The following SEMA3E variants were observed in gnomAD, a reference collection of about 807,000 sequenced individuals.
SEMA3E encodes semaphorin-3E.
SEMA3E carries 49 observed loss-of-function variants against 93.6 expected under a neutral mutation model. That is an observed-to-expected ratio of 0.52 (90% CI 0.42 to 0.66). The LOEUF (loss-of-function observed/expected upper bound fraction) is 0.66, where lower values mean the gene tolerates loss of function less well. Ranked by LOEUF, SEMA3E falls within the 30% of genes least tolerant of loss-of-function variation. The pLI is 0.00. For synonymous variants in SEMA3E, 363 were observed against 330.7 expected (o/e 1.10, Z -1.06); for missense variants, 906 against 964.8 (o/e 0.94, Z 0.81).
intron 2 of SEMA3E, among the ~76,000 whole-genome samples, chr7:83,469,977 A>G (rs748776696): frequency 1.3e-5 from 2 of 151,782 alleles, no homozygotes; most frequent in Non-Finnish European, 2.9e-5. Context: ...TAGTAGAGAC[A>G]GGGTTTCACA....
chr7:83,530,404 C>T (rs1039931448), intron 1 of SEMA3E, among the ~76,000 whole-genome samples: 1 of 152,048 alleles, frequency 6.6e-6, no homozygotes, highest in African/African-American at 2.4e-5. Context: ...TCAGAAAAAA[C>T]TTTTATTAAT....
At chr7:83,539,583 T>C (rs958970059) in intron 1 of SEMA3E, among the ~76,000 whole-genome samples, 9 of 149,584 alleles carry the variant, frequency 6.0e-5, no homozygotes, top group African/African-American at 2.0e-4. Flanking sequence ...GTTTGCTAAA[T>C]CAGTTACTAC....
chr7:83,473,624 A>G (rs766421737), intron 2 of SEMA3E, among the ~76,000 whole-genome samples: 69 of 152,322 alleles, frequency 4.5e-4, no homozygotes, highest in Non-Finnish European at 9.4e-4. Flanking sequence ...GATTTCCCTA[A>G]AAATATGATG....
At chr7:83,372,800 G>C (rs1300319979) in intron 16 of SEMA3E, 2 of 152,054 alleles carry the variant, frequency 1.3e-5, no homozygotes, top group African/African-American at 2.4e-5. Context: ...ACATTATGTA[G>C]GTTAAATCAC....
At chr7:83,528,478 G>A (rs1235965003) in intron 1 of SEMA3E, among the ~76,000 whole-genome samples, 1 of 152,018 alleles carries the variant, frequency 6.6e-6, no homozygotes, top group African/African-American at 2.4e-5. Flanking sequence ...TCAATTATAA[G>A]GTGTGGTTAA....
At chr7:83,570,939 A>C (rs1792275003) in intron 1 of SEMA3E, among the ~76,000 whole-genome samples, 1 of 151,816 alleles carries the variant, frequency 6.6e-6, no homozygotes, top group Non-Finnish European at 1.5e-5. Flanking sequence ...CACAAATTAG[A>C]AAATCTAGAG....
intron 1 of SEMA3E, among the ~76,000 whole-genome samples, chr7:83,603,325 G>A (rs958777673): frequency 7.9e-5 from 12 of 152,034 alleles, no homozygotes; most frequent in Non-Finnish European, 1.3e-4. Flanking sequence ...GGCCATATTA[G>A]GGAGGTGAAA....
chr7:83,450,549 G>A (rs903893889), intron 4 of SEMA3E, among the ~76,000 whole-genome samples: 2 of 151,984 alleles, frequency 1.3e-5, no homozygotes, highest in Admixed American at 1.3e-4. Flanking sequence ...TCTAAATGAG[G>A]CAAAACTAAT....
intron 6 of SEMA3E, 21 bp from the exon 7 acceptor site, chr7:83,407,260 A>G (rs762231747): frequency 6.3e-7 from 1 of 1,598,206 alleles, no homozygotes; most frequent in South Asian, 1.1e-5. Flanking sequence ...AAAAAATAGG[A>G]GAAAAAGTGA....
At chr7:83,626,170 T>G (rs995973931) in intron 1 of SEMA3E, among the ~76,000 whole-genome samples, 5 of 152,158 alleles carry the variant, frequency 3.3e-5, no homozygotes, top group Non-Finnish European at 4.4e-5. Context: ...AATTTTCTTT[T>G]TGTGTGTGTG....
rs752107396 is a variant in SEMA3E at position 83,367,726 on chromosome 7, C to T, written c.2188G>A (p.Glu730Lys). 1.9e-6 allele frequency: 3 copies of T among 1,614,068 alleles called. No homozygotes were observed. The highest frequency in any genetic ancestry group is 2.5e-6 in the Non-Finnish European group (3 of 1,180,026). Reference protein sequence around the residue: ...SNFQRVEEYCEKVWCTDRKRK... With the variant: ...SNFQRVEEYCKKVWCTDRKRK... ...TTTCTATCTGTGCACCATACTTTCT[C>T]GCAGTATTCTTCCACTCTCTGGAAG... Residue 730 changes from glutamate to lysine, a missense_variant, in exon 17 of 17, where the codon GAG becomes AAG. Coordinates refer to ENST00000643230, the MANE Select transcript of SEMA3E (RefSeq NM_012431.3).
chr7:83,392,453 A>T, intron 14 of SEMA3E, 102 bp downstream of exon 14: 2 of 1,276,382 alleles, frequency 1.6e-6, no homozygotes, highest in Non-Finnish European at 1.1e-6. Flanking sequence ...CACAATAATT[A>T]ATACAGGTAT....
At chr7:83,617,640 A>C in intron 1 of SEMA3E, among the ~76,000 whole-genome samples, 1 of 145,394 alleles carries the variant, frequency 6.9e-6, no homozygotes, top group Non-Finnish European at 1.5e-5. Flanking sequence ...TTATATAAAT[A>C]ATATAATTTA....
chr7:83,392,075 T>G (rs1016384592), intron 14 of SEMA3E, among the ~76,000 whole-genome samples: 23 of 152,122 alleles, frequency 1.5e-4, no homozygotes, highest in African/African-American at 4.8e-4. Context: ...CTCACAGAAT[T>G]GTAGGCATTG....
At chr7:83,498,861 G>A (rs1172959032) in intron 1 of SEMA3E, among the ~76,000 whole-genome samples, 1 of 152,108 alleles carries the variant, frequency 6.6e-6, no homozygotes, top group African/African-American at 2.4e-5. Flanking sequence ...CCTTCCATCT[G>A]GACTTTCCCT....
chr7:83,392,826 C>T, intron 13 of SEMA3E, 105 bp from the exon 14 acceptor site: 1 of 1,118,524 alleles, frequency 8.9e-7, no homozygotes, highest in Non-Finnish European at 1.3e-6. Context: ...AAAAAATTCA[C>T]TTAAATTTAA....
intron 1 of SEMA3E, among the ~76,000 whole-genome samples, chr7:83,521,320 G>A (rs1791044884): frequency 6.6e-6 from 1 of 152,012 alleles, no homozygotes; most frequent in Non-Finnish European, 1.5e-5. Flanking sequence ...CAGCAAATCA[G>A]GGCAGAAGTC....
At chr7:83,633,457 T>A (rs928335946) in intron 1 of SEMA3E, among the ~76,000 whole-genome samples, 2 of 152,172 alleles carry the variant, frequency 1.3e-5, no homozygotes, top group Non-Finnish European at 2.9e-5. Context: ...GGAAAAAAAT[T>A]AGCAATGTGC....
At chr7:83,469,397 C>CTTTTT in intron 2 of SEMA3E, 95 bp from the exon 3 acceptor site, 1 of 576,242 alleles carries the variant, frequency 1.7e-6, no homozygotes, top group Non-Finnish European at 2.7e-6. Context: ...CAAAACATTT[C>CTTTTT]CTTTTTTTTT....
Sources: gnomAD v4.1 joint callset for allele counts (sites outside exome capture counted in the v4.1 genomes callset) on GRCh38, gnomAD v4.1.1 for gene constraint, MANE v1.5 for transcripts, NCBI Gene and HGNC (gene_info 2026-07-23, HGNC 2026-07-21) for gene names.